UBN2: variants seen among roughly 807,000 people sequenced by gnomAD.
The protein encoded by UBN2 is ubinuclein 2.
Under a neutral mutation model 120.2 loss-of-function variants are expected in UBN2, and 35 were observed. The ratio of observed to expected loss-of-function variants is 0.29; its 90% CI spans 0.22 to 0.39. UBN2 has a LOEUF of 0.39. UBN2 is among the 10% of genes least tolerant of loss of function. The pLI is 1.00. For missense variants in UBN2, 1,693 were observed against 1,663.2 expected, an observed-to-expected ratio of 1.02 and a Z score of -0.31; for synonymous variants, 661 against 648.7, an observed-to-expected ratio of 1.02 and a Z score of -0.29.
At position 139,261,522 on chromosome 7, in the gene UBN2, G is replaced by A; in HGVS notation, c.1176G>A (p.Leu392=). 2 of 1,614,200 alleles carry A rather than the reference G, an allele frequency of 1.2e-6. No individual in the cohort carries two copies. Among genetic ancestry groups the A allele is most frequent in the South Asian group, 2.2e-5 (2 of 91,082 alleles). The change falls in exon 6 of 18, where the codon CTG becomes CTA. Residue 392 remains leucine (L), a synonymous_variant. Transcript: ENST00000473989. The stretch of plus-strand genomic sequence containing the variant: ...TTGTTAGCACAAATGAACATGAGCT[G>A]TTTCAGGAAGCTGAAAATGCCCTAG... ...PIFVSTNEHE[L]FQEAENALEM...
intron 2 of UBN2, among the ~76,000 whole-genome samples, chr7:139,251,092 G>A (rs1584994700): frequency 6.6e-6 from 1 of 151,644 alleles, no homozygotes; most frequent in East Asian, 1.9e-4. Context: ...GTGACAGAGT[G>A]AGACCCTATC....
intron 13 of UBN2, among the ~76,000 whole-genome samples, chr7:139,280,785 A>G (rs1035964032): frequency 9.2e-5 from 14 of 152,282 alleles, no homozygotes; most frequent in African/African-American, 1.9e-4. Context: ...AGCTGGGACT[A>G]CAGGCGCACA....
At position 139,279,561 on chromosome 7, in the gene UBN2, T is replaced by C. The variant is rs115844540; in HGVS notation, c.2067+201T>C. ...GCAGTGGGGAATATGCATACACCAA[T>C]TGTGAAGCTTAACTTTATTAATACT... On this transcript the variant is annotated intron_variant, in intron 13 of 17. Coordinates refer to ENST00000473989, the MANE Select transcript of UBN2 (RefSeq NM_173569.4). 4.8e-3 allele frequency among the ~76,000 whole-genome samples: 726 copies of C among 152,308 alleles called. 6 individuals carry two copies. The highest frequency in any genetic ancestry group is 0.017 in the African/African-American group (696 of 41,566).
chr7:139,238,893 T>G (rs1035918209), intron 2 of UBN2, among the ~76,000 whole-genome samples: 1 of 152,186 alleles, frequency 6.6e-6, no homozygotes, highest in African/African-American at 2.4e-5. Context: ...GAGACTATAT[T>G]GTATCATGAT....
chr7:139,284,217 C>T lies in UBN2; in HGVS notation c.3312C>T (p.Ser1104=). 1 of 1,614,174 alleles carries T rather than the reference C, an allele frequency of 6.2e-7. No individual in the cohort carries two copies. The highest frequency in any genetic ancestry group is 2.2e-5 in the East Asian group (1 of 44,886). The change falls in exon 15 of 18, where the codon TCC becomes TCT. Residue 1104 remains serine (S), a synonymous_variant. Transcript: ENST00000473989. ...PNALVAQGSH[S]STNSPVHKQP... is the part of the protein sequence containing the mutation. The stretch of plus-strand genomic sequence containing the variant: ...CACTAGTTGCCCAGGGTAGCCACTC[C>T]AGCACTAACAGCCCAGTCCATAAAC...
At chr7:139,275,305 T>C (rs1585015477) in intron 11 of UBN2, among the ~76,000 whole-genome samples, 1 of 140,758 alleles carries the variant, frequency 7.1e-6, no homozygotes, top group Non-Finnish European at 1.5e-5. Context: ...AAAAAGTCGC[T>C]GGGCACGGTG....
At chr7:139,252,124 A>G in intron 3 of UBN2, 67 bp downstream of exon 3, 1 of 1,316,250 alleles carries the variant, frequency 7.6e-7, no homozygotes, top group East Asian at 2.3e-5. Flanking sequence ...AGTCAAGGGT[A>G]AAGTAACTTA....
In UBN2 at chr7:139,274,015, T is replaced by A; in HGVS notation, c.1914T>A (p.Leu638=). Residue 638 remains leucine, a synonymous_variant, in exon 11 of 18, where the codon CTT becomes CTA. Transcript: ENST00000473989. Reference sequence around the variant, plus strand: ...AAAGCCAGTCTGCTGAAGATTATCTTAAGTCTTTTATGGAGACAGAAGTGA... The same window carrying A: ...AAAGCCAGTCTGCTGAAGATTATCTAAAGTCTTTTATGGAGACAGAAGTGA... ...PNKSQSAEDY[L]KSFMETEVKP... The A allele has an allele frequency of 6.2e-7, 1 of 1,613,864 alleles. No homozygotes were observed. The highest frequency in any genetic ancestry group is 8.5e-7 in the Non-Finnish European group (1 of 1,179,916).
Position 139,289,414 on chromosome 7 carries a change from C to CTTTTTTTTTTTTTTTTTTTTTTTTTTT in UBN2, c.3670-3802_3670-3801insTTTTTTTTTTTTTTTTTTTTTTTTTTT, listed in dbSNP as rs1161484759. On this transcript the variant is annotated intron_variant, in intron 15 of 17. Coordinates refer to ENST00000473989, the MANE Select transcript of UBN2 (RefSeq NM_173569.4). ...ATTGCCCTCCCTAATTTACATTTTG[C>CTTTTTTTTTTTTTTTTTTTTTTTTTTT]TTTTTTTTTTTTTTTTGAGACAGGG... Among the ~76,000 whole-genome samples the CTTTTTTTTTTTTTTTTTTTTTTTTTTT allele has an allele frequency of 1.9e-4, 24 of 125,788 alleles. 2 individuals are homozygous for CTTTTTTTTTTTTTTTTTTTTTTTTTTT. The highest frequency in any genetic ancestry group is 5.9e-4 in the African/African-American group (19 of 32,170). The allele number at this position is 125,788 out of a possible 152,430, so 82.5% of individuals were successfully genotyped here.
At chr7:139,254,562 C>T (rs572284624) in intron 3 of UBN2, among the ~76,000 whole-genome samples, 21 of 152,122 alleles carry the variant, frequency 1.4e-4, no homozygotes, top group South Asian at 2.1e-4. Flanking sequence ...TAGCACCACC[C>T]GGTTTTCTCT....
In UBN2 at chr7:139,231,559, C is replaced by A. The variant is rs1796009583; in HGVS notation, c.75C>A (p.Pro25=). ...GGCGCGAGGCCGAGTACCCGGGGCC[C>A]GAGCGTGAGCCCGAGTACCCCCGCG... is the stretch of plus-strand genomic sequence containing the variant. ...VRRREAEYPG[P]EREPEYPREP... Residue 25 remains proline, a synonymous_variant, in exon 1 of 18, where the codon CCC becomes CCA. Transcript: ENST00000473989. 1 of 1,414,258 alleles carries A rather than the reference C, an allele frequency of 7.1e-7. No homozygotes were observed. Among genetic ancestry groups the A allele is most frequent in the East Asian group, 3.0e-5 (1 of 32,902 alleles). 87.6% of individuals were successfully genotyped at this position (1,414,258 alleles called of 1,614,324 possible). A position where few individuals can be genotyped will look rare whatever the true frequency, so the allele number is the denominator to read the frequency against.
rs1798159387 is a variant in UBN2, at chr7:139,297,995, T to C, written c.*159T>C. On this transcript the variant is annotated 3_prime_UTR_variant, in exon 18 of 18. Coordinates refer to ENST00000473989, the MANE Select transcript of UBN2 (RefSeq NM_173569.4). The stretch of plus-strand genomic sequence containing the variant: ...GAGGAAAAAGAAAAGAAAACATTAC[T>C]TGAGCAAAGCCAGGTGCAGGAGGAA... 4 of 748,246 alleles carry C rather than the reference T, an allele frequency of 5.3e-6. No homozygotes were observed. The highest frequency in any genetic ancestry group is 4.3e-6 in the Non-Finnish European group (2 of 464,074). 46.4% of individuals were successfully genotyped at this position (748,246 alleles called of 1,614,324 possible). A position where few individuals can be genotyped will look rare whatever the true frequency, so the allele number is the denominator to read the frequency against.
chr7:139,240,455 T>TATATATATA (rs367875599), intron 2 of UBN2, among the ~76,000 whole-genome samples: 824 of 63,002 alleles, frequency 0.013, 6 homozygotes, highest in African/African-American at 0.036. Flanking sequence ...TATATATATA[T>TATATATATA]TTTTTTTTTT....
intron 3 of UBN2, among the ~76,000 whole-genome samples, chr7:139,256,205 A>G (rs1796762993): frequency 6.6e-6 from 1 of 152,246 alleles, no homozygotes. Flanking sequence ...TGAGCACATC[A>G]GAATTGCCCT....
chr7:139,293,555 A>T, intron 16 of UBN2, 92 bp downstream of exon 16: 9 of 961,720 alleles, frequency 9.4e-6, no homozygotes, highest in Non-Finnish European at 1.4e-5. Context: ...GTCCAGTTGG[A>T]GTTAATGAAG....
At chr7:139,294,468 A>G (rs1798053375) in intron 17 of UBN2, among the ~76,000 whole-genome samples, 1 of 152,238 alleles carries the variant, frequency 6.6e-6, no homozygotes, top group African/African-American at 2.4e-5. Flanking sequence ...GCTTGATCTG[A>G]GATACAAACC....
At chr7:139,274,109 T>G in intron 11 of UBN2, 35 bp downstream of exon 11, 1 of 1,548,204 alleles carries the variant, frequency 6.5e-7, no homozygotes, top group Non-Finnish European at 8.7e-7. Flanking sequence ...TTATTTTATT[T>G]TATTATTATT....
chr7:139,237,106 A>G lies in UBN2; in HGVS notation c.561+9A>G. The G allele has an allele frequency of 6.3e-7, 1 of 1,587,652 alleles. No individual in the cohort carries two copies. The highest frequency in any genetic ancestry group is 2.3e-5 in the East Asian group (1 of 44,250). On this transcript the variant is annotated intron_variant, in intron 2 of 17. Coordinates refer to ENST00000473989, the MANE Select transcript of UBN2 (RefSeq NM_173569.4). ...AGTTTGAAATGAAATATGTGAGTAT[A>G]ATAAACTGATCACTTAGGTAATTTT...
intron 17 of UBN2, among the ~76,000 whole-genome samples, chr7:139,297,037 T>C (rs945326783): frequency 6.6e-6 from 1 of 151,738 alleles, no homozygotes; most frequent in African/African-American, 2.4e-5. Flanking sequence ...CTACTAAAAA[T>C]ACAAAAATTA....
Sources: allele counts gnomAD v4.1 joint callset (sites outside exome capture counted in the v4.1 genomes callset), GRCh38; gene constraint gnomAD v4.1.1; transcripts MANE v1.5; gene names NCBI Gene and HGNC (gene_info 2026-07-23, HGNC 2026-07-21).